Variants in PTPRJ observed in about 807,000 individuals in gnomAD.
The protein encoded by PTPRJ is protein tyrosine phosphatase receptor type J, also known as receptor-type tyrosine-protein phosphatase eta.
In PTPRJ, 129 loss-of-function variants were observed where a neutral mutation model predicts 141.3. That is an observed-to-expected ratio of 0.91 (90% CI 0.79 to 1.06). The LOEUF (loss-of-function observed/expected upper bound fraction) is 1.06. Among genes scored for constraint, PTPRJ ranks in the 50% least tolerant of loss-of-function variants. PTPRJ has a pLI of 0.00. For synonymous variants in PTPRJ, 610 were observed against 640.5 expected (o/e 0.95, Z 0.72); for missense variants, 1,601 against 1,679.7 (o/e 0.95, Z 0.82).
chr11:48,062,531 A>G (rs1854967441), intron 1 of PTPRJ, among the ~76,000 whole-genome samples: 1 of 152,204 alleles, frequency 6.6e-6, no homozygotes, highest in South Asian at 2.1e-4. Flanking sequence ...AACCAAAAAA[A>G]ACAGTGCTTG....
Position 48,156,135 on chromosome 11 carries a change from A to C in PTPRJ, c.3438+16A>C, listed in dbSNP as rs1297065090. On this transcript the variant is annotated intron_variant, in intron 21 of 24. Transcript: ENST00000418331. ...ACAGGGAAGAGTAAGTATCTTTTTT[A>C]GTTTTTAAAATTTAAAATTACATTA... 1.9e-6 allele frequency: 3 copies of C among 1,540,874 alleles called. No homozygotes were observed. Among genetic ancestry groups the C allele is most frequent in the Non-Finnish European group, 2.7e-6 (3 of 1,125,184 alleles).
chr11:48,100,663 A>G (rs1590502735), intron 1 of PTPRJ, among the ~76,000 whole-genome samples: 1 of 152,122 alleles, frequency 6.6e-6, no homozygotes, highest in Admixed American at 6.6e-5. Flanking sequence ...CGGGTGGATC[A>G]CCGGAGGTCA....
At chr11:48,097,468 A>G (rs1856039151) in intron 1 of PTPRJ, among the ~76,000 whole-genome samples, 1 of 152,170 alleles carries the variant, frequency 6.6e-6, no homozygotes, top group Non-Finnish European at 1.5e-5. Flanking sequence ...TCAGAACAAG[A>G]TCAAGTGGAG....
intron 22 of PTPRJ, among the ~76,000 whole-genome samples, chr11:48,163,076 C>A (rs1857826209): frequency 6.6e-6 from 1 of 152,096 alleles, no homozygotes; most frequent in South Asian, 2.1e-4. Flanking sequence ...GGGGATGGGG[C>A]TCATGCAGCT....
At chr11:48,104,606 C>A (rs1301952885) in intron 1 of PTPRJ, among the ~76,000 whole-genome samples, 2 of 152,198 alleles carry the variant, frequency 1.3e-5, no homozygotes, top group East Asian at 3.8e-4. Flanking sequence ...AACAGAAAAC[C>A]TGGAGAGCTT....
chr11:48,125,102 C>T lies in PTPRJ; in HGVS notation c.1009C>T (p.Pro337Ser). ...DTEVLLVGLE[P>S]GTRYNATVYS... is the part of the protein sequence containing the mutation. ...GGAAGTCCTGCTTGTCGGGTTAGAG[C>T]CTGGCACCCGATACAATGCCACCGT... The change falls in exon 6 of 25, where the codon CCT becomes TCT. Residue 337 changes from proline (P) to serine (S), a missense_variant. By Grantham distance (74) the Pro-to-Ser change is moderately conservative. Transcript: ENST00000418331. The T allele has an allele frequency of 1.2e-6, 2 of 1,613,998 alleles. No homozygotes were observed. The highest frequency in any genetic ancestry group is 1.7e-6 in the Non-Finnish European group (2 of 1,180,014).
chr11:48,146,829 T>A (rs377558401), intron 14 of PTPRJ, 47 bp from the exon 15 acceptor site: 4 of 1,513,984 alleles, frequency 2.6e-6, no homozygotes, highest in Non-Finnish European at 3.7e-6. Context: ...CATTGTGTGG[T>A]CTGCATGAAC....
chr11:48,032,345 G>A (rs1314388556), intron 1 of PTPRJ, among the ~76,000 whole-genome samples: 2 of 152,234 alleles, frequency 1.3e-5, no homozygotes, highest in Admixed American at 6.5e-5. Flanking sequence ...TGACAGCTGA[G>A]CGGCTACAGA....
chr11:48,143,896 T>C (rs1290569559), intron 12 of PTPRJ, among the ~76,000 whole-genome samples: 1 of 149,346 alleles, frequency 6.7e-6, no homozygotes, highest in Non-Finnish European at 1.5e-5. Flanking sequence ...CCTCTTTCTT[T>C]CTTTTAGAGA....
chr11:48,050,607 G>A (rs1425770140), intron 1 of PTPRJ, among the ~76,000 whole-genome samples: 1 of 152,152 alleles, frequency 6.6e-6, no homozygotes, highest in Non-Finnish European at 1.5e-5. Context: ...AAGCCCCTGA[G>A]CCTTTATTTG....
chr11:48,104,772 C>T (rs917304822), intron 1 of PTPRJ, among the ~76,000 whole-genome samples: 1 of 152,160 alleles, frequency 6.6e-6, no homozygotes, highest in Non-Finnish European at 1.5e-5. Flanking sequence ...TGACCTGCAG[C>T]CCTGGAACTG....
At chr11:48,165,127 G>T (rs1857888224) in intron 24 of PTPRJ, among the ~76,000 whole-genome samples, 1 of 152,140 alleles carries the variant, frequency 6.6e-6, no homozygotes, top group Non-Finnish European at 1.5e-5. Flanking sequence ...TTTGAACTTT[G>T]GCTTCCAGGT....
intron 1 of PTPRJ, among the ~76,000 whole-genome samples, chr11:48,022,798 T>C (rs1853688330): frequency 6.6e-6 from 1 of 152,152 alleles, no homozygotes; most frequent in Non-Finnish European, 1.5e-5. Flanking sequence ...AGGGTTCTCT[T>C]GCCGGTGTGT....
At chr11:48,033,187 A>C (rs1854031774) in intron 1 of PTPRJ, among the ~76,000 whole-genome samples, 1 of 152,176 alleles carries the variant, frequency 6.6e-6, no homozygotes, top group Non-Finnish European at 1.5e-5. Context: ...GTGGGGGGCC[A>C]TAGGAAACAG....
intron 1 of PTPRJ, among the ~76,000 whole-genome samples, chr11:48,033,935 C>A (rs1393933974): frequency 6.6e-6 from 1 of 152,188 alleles, no homozygotes; most frequent in Non-Finnish European, 1.5e-5. Flanking sequence ...TCAGCAAACG[C>A]TTCACTTCCT....
chr11:48,092,751 A>G (rs1432015685), intron 1 of PTPRJ, among the ~76,000 whole-genome samples: 1 of 152,168 alleles, frequency 6.6e-6, no homozygotes, highest in Non-Finnish European at 1.5e-5. Context: ...TTTTGAAAAT[A>G]TTCCACCTAT....
At chr11:48,054,745 G>A (rs1854708996) in intron 1 of PTPRJ, among the ~76,000 whole-genome samples, 2 of 151,986 alleles carry the variant, frequency 1.3e-5, no homozygotes, top group Admixed American at 1.3e-4. Flanking sequence ...TCCTACCACG[G>A]AGTCTGTTTT....
intron 1 of PTPRJ, among the ~76,000 whole-genome samples, chr11:48,045,280 C>A (rs925535608): frequency 6.6e-6 from 1 of 152,152 alleles, no homozygotes; most frequent in African/African-American, 2.4e-5. Context: ...TGTCCCCAAG[C>A]GAGCAGAGGC....
At chr11:48,078,008 G>A (rs1317062752) in intron 1 of PTPRJ, among the ~76,000 whole-genome samples, 2 of 152,034 alleles carry the variant, frequency 1.3e-5, no homozygotes, top group African/African-American at 4.8e-5. Flanking sequence ...AGGTTTTAAG[G>A]AAGAGATCTG....
Sources: allele counts gnomAD v4.1 joint callset (sites outside exome capture counted in the v4.1 genomes callset), GRCh38; gene constraint gnomAD v4.1.1; transcripts MANE v1.5; gene names NCBI Gene and HGNC (gene_info 2026-07-23, HGNC 2026-07-21).